CPT1A: variants seen among roughly 807,000 people sequenced by gnomAD.
The protein encoded by CPT1A is carnitine palmitoyltransferase 1A.
A neutral mutation model predicts 100.8 loss-of-function variants in CPT1A; 64 were observed. The observed-to-expected ratio is 0.63, with a 90% CI of 0.52 to 0.78. CPT1A has a LOEUF of 0.78. Ranked by LOEUF, CPT1A falls within the 30% of genes least tolerant of loss-of-function variation. CPT1A has a pLI of 0.00. For missense variants in CPT1A, 802 were observed against 1,034.1 expected, an observed-to-expected ratio of 0.78 and a Z score of 3.08; for synonymous variants, 363 against 396.0, an observed-to-expected ratio of 0.92 and a Z score of 0.99.
In CPT1A at chr11:68,838,571, T is replaced by TAAAAAAAAAAAA. The variant is rs1177976460; in HGVS notation, c.-14+3203_-14+3204insTTTTTTTTTTTT. Among the ~76,000 whole-genome samples, 275 of 74,212 alleles carry TAAAAAAAAAAAA rather than the reference T, an allele frequency of 3.7e-3. 88 individuals are homozygous for TAAAAAAAAAAAA. The highest frequency in any genetic ancestry group is 6.1e-3 in the African/African-American group (65 of 10,734). The allele number at this position is 74,212 out of a possible 152,430, so 48.7% of individuals were successfully genotyped here. ...GACTCTACTCTGTATCTGCACCTTTTTAAAAAAAAAAAAAAAAAAACAGAG... is the reference window on the plus strand; with the variant it reads ...GACTCTACTCTGTATCTGCACCTTTTAAAAAAAAAAAATAAAAAAAAAAAAAAAAAAACAGAG... On this transcript the variant is annotated intron_variant, in intron 1 of 18. Coordinates refer to ENST00000265641, the MANE Select transcript of CPT1A (RefSeq NM_001876.4).
intron 9 of CPT1A, among the ~76,000 whole-genome samples, chr11:68,788,630 T>TAAAAAAAAAAAAAAAAAAAAAAAAA: frequency 7.3e-5 from 2 of 27,546 alleles, no homozygotes; most frequent in Non-Finnish European, 6.2e-5. Context: ...CAAACAAAAG[T>TAAAAAAAAAAAAAAAAAAAAAAAAA]AAAAAAAAAA....
At chr11:68,830,960 G>A (rs1856860368) in intron 1 of CPT1A, among the ~76,000 whole-genome samples, 1 of 152,168 alleles carries the variant, frequency 6.6e-6, no homozygotes, top group Non-Finnish European at 1.5e-5. Context: ...TGAAGACTAT[G>A]GACAGTTCTC....
At chr11:68,825,723 G>A (rs1246096380) in intron 1 of CPT1A, among the ~76,000 whole-genome samples, 1 of 148,246 alleles carries the variant, frequency 6.7e-6, no homozygotes, top group Non-Finnish European at 1.5e-5. Context: ...GCCTCTTCCA[G>A]GTGCTTCCTC....
intron 14 of CPT1A, among the ~76,000 whole-genome samples, chr11:68,766,019 G>A (rs997424073): frequency 3.7e-4 from 56 of 152,012 alleles, no homozygotes; most frequent in African/African-American, 1.3e-3. Context: ...TTAGAGATGC[G>A]TGCTGCCATA....
At chr11:68,842,948 C>G (rs931426923), upstream of CPT1A, among the ~76,000 whole-genome samples, 4 of 152,202 alleles carry the variant, frequency 2.6e-5, no homozygotes, top group Non-Finnish European at 5.9e-5. Flanking sequence ...ATAAATGCAC[C>G]GATGTTATGA....
chr11:68,835,670 C>T (rs1033065697), intron 1 of CPT1A, among the ~76,000 whole-genome samples: 2 of 152,160 alleles, frequency 1.3e-5, no homozygotes, highest in Non-Finnish European at 2.9e-5. Flanking sequence ...ACCCAGAAAC[C>T]CTAGAGGCGG....
chr11:68,822,157 T>C (rs1856601666), intron 1 of CPT1A, among the ~76,000 whole-genome samples: 2 of 151,986 alleles, frequency 1.3e-5, no homozygotes. Context: ...GCAGAAAGAC[T>C]GCTTTAGGCC....
intron 1 of CPT1A, among the ~76,000 whole-genome samples, chr11:68,820,467 G>C (rs951390252): frequency 6.6e-6 from 1 of 151,994 alleles, no homozygotes; most frequent in Non-Finnish European, 1.5e-5. Context: ...TGGATCACTT[G>C]AGGTCAGGGG....
intron 14 of CPT1A, among the ~76,000 whole-genome samples, chr11:68,765,529 G>GATATACTGACAT (rs1854774479): frequency 6.6e-6 from 1 of 152,144 alleles, no homozygotes; most frequent in Admixed American, 6.6e-5. Context: ...ACAGTCTATA[G>GATATACTGACAT]ATATACTGAC....
chr11:68,820,223 C>G (rs58393265), intron 1 of CPT1A, among the ~76,000 whole-genome samples: 1 of 151,928 alleles, frequency 6.6e-6, no homozygotes, highest in African/African-American at 2.4e-5. Context: ...GTAGAGACAG[C>G]GTTTCACCAC....
At chr11:68,796,784 G>T in intron 7 of CPT1A, 72 bp downstream of exon 7, 1 of 1,461,644 alleles carries the variant, frequency 6.8e-7, no homozygotes, top group Non-Finnish European at 9.5e-7. Flanking sequence ...GGCCTGTGAA[G>T]ACGCCACCTC....
intron 2 of CPT1A, 76 bp downstream of exon 2, chr11:68,815,258 A>T (rs1856351748): frequency 6.8e-7 from 1 of 1,467,830 alleles, no homozygotes; most frequent in Non-Finnish European, 9.5e-7. Context: ...AAACACGTAG[A>T]CCTCAATAGC....
At chr11:68,826,514 C>A (rs987193288) in intron 1 of CPT1A, among the ~76,000 whole-genome samples, 2 of 151,326 alleles carry the variant, frequency 1.3e-5, no homozygotes, top group African/African-American at 4.9e-5. Flanking sequence ...GGGGGCAGAT[C>A]ATGAGGTCAG....
At chr11:68,781,095 G>A (rs1203916322) in intron 11 of CPT1A, among the ~76,000 whole-genome samples, 2 of 152,160 alleles carry the variant, frequency 1.3e-5, no homozygotes, top group Non-Finnish European at 2.9e-5. Flanking sequence ...GGCGGGGCTG[G>A]CCAACACTTT....
At position 68,779,749 on chromosome 11, in the gene CPT1A, T is replaced by C. The variant is rs1457591783; in HGVS notation, c.1458+891A>G. Reference sequence around the variant, plus strand: ...CGGTCAAGGCTACAGTGAGCTATGATTGTGCCACTGCACTCCAGTCTGGGT... The same window carrying C: ...CGGTCAAGGCTACAGTGAGCTATGACTGTGCCACTGCACTCCAGTCTGGGT... On this transcript the variant is annotated intron_variant, in intron 12 of 18. Transcript: ENST00000265641. 2.0e-5 allele frequency among the ~76,000 whole-genome samples: 3 copies of C among 150,910 alleles called. No homozygotes were observed. The East Asian group carries it at 5.9e-4, about 29-fold the overall frequency.
chr11:68,781,804 G>A lies in CPT1A; in HGVS notation c.1319C>T (p.Ala440Val), dbSNP rs760628588. ...ACATCGGCCGTGTAGTAGAGATTTG[G>A]CGTAGCTGTCCATTGACGTATCCGG... is the stretch of plus-strand genomic sequence containing the variant. ...EDPDTSMDSY[A>V]KSLLHGRCYD... Residue 440 changes from alanine to valine, a missense_variant, in exon 11 of 19, where the codon GCC (alanine) becomes GTC (valine). Transcript: ENST00000265641. 1 of 1,614,150 alleles carries A rather than the reference G, an allele frequency of 6.2e-7. No homozygotes were observed. The highest frequency in any genetic ancestry group is 2.2e-5 in the East Asian group (1 of 44,886).
At chr11:68,789,237 T>C (rs191524136) in intron 9 of CPT1A, among the ~76,000 whole-genome samples, 26 of 152,332 alleles carry the variant, frequency 1.7e-4, no homozygotes, top group African/African-American at 6.3e-4. Flanking sequence ...AAGATAAGTC[T>C]ATACCTCTTT....
rs369823986 is a variant in CPT1A at position 68,757,496 on chromosome 11, GA to G, written c.*147del. 90 of 1,505,606 alleles carry G rather than the reference GA, an allele frequency of 6.0e-5. No individual in the cohort carries two copies. Among genetic ancestry groups the G allele is most frequent in the African/African-American group, 5.5e-4 (39 of 71,206 alleles). 93.3% of individuals were successfully genotyped at this position (1,505,606 alleles called of 1,614,324 possible). A position where few individuals can be genotyped will look rare whatever the true frequency, so the allele number is the denominator to read the frequency against. On this transcript the variant is annotated 3_prime_UTR_variant, in exon 19 of 19. Coordinates refer to ENST00000265641, the MANE Select transcript of CPT1A (RefSeq NM_001876.4). ...TCACAGGGGAGAGATACTGTTCTAG[GA>G]AAAAAAAACACCCACATTTTCTGGA...
chr11:68,818,894 T>C (rs763242075), intron 1 of CPT1A, among the ~76,000 whole-genome samples: 2 of 152,014 alleles, frequency 1.3e-5, no homozygotes, highest in African/African-American at 2.4e-5. Flanking sequence ...ATTTACATAT[T>C]ATTTAGTAGG....
Sources: allele counts gnomAD v4.1 joint callset (sites outside exome capture counted in the v4.1 genomes callset), GRCh38; gene constraint gnomAD v4.1.1; transcripts MANE v1.5; gene names NCBI Gene and HGNC (gene_info 2026-07-23, HGNC 2026-07-21).